The following PHACTR3 variants were observed in gnomAD, a reference collection of about 807,000 sequenced individuals.
PHACTR3 encodes phosphatase and actin regulator 3.
Under a neutral mutation model 66.8 loss-of-function variants are expected in PHACTR3, and 16 were observed. The ratio of observed to expected loss-of-function variants is 0.24; its 90% CI spans 0.16 to 0.36. The LOEUF (loss-of-function observed/expected upper bound fraction) is 0.36, where lower values mean the gene tolerates loss of function less well. Ranked by LOEUF, PHACTR3 falls within the 10% of genes least tolerant of loss-of-function variation. PHACTR3 has a pLI of 1.00. For missense variants in PHACTR3, 647 were observed against 719.9 expected (o/e 0.90, Z 1.16); for synonymous variants, 323 against 292.1 (o/e 1.11, Z -1.08).
At chr20:59,751,940 T>G (rs1180773529) in intron 3 of PHACTR3, among the ~76,000 whole-genome samples, 1 of 152,178 alleles carries the variant, frequency 6.6e-6, no homozygotes, top group Non-Finnish European at 1.5e-5. Flanking sequence ...CGTTTCTCTG[T>G]GCTAGACACT....
At chr20:59,812,638 A>G (rs971255462) in intron 8 of PHACTR3, among the ~76,000 whole-genome samples, 1 of 152,200 alleles carries the variant, frequency 6.6e-6, no homozygotes, top group African/African-American at 2.4e-5. Context: ...GCCTGTCTCA[A>G]TGGGGCCTTC....
At chr20:59,621,794 G>T (rs921921358) in intron 1 of PHACTR3, among the ~76,000 whole-genome samples, 2 of 152,210 alleles carry the variant, frequency 1.3e-5, no homozygotes, top group Non-Finnish European at 2.9e-5. Context: ...GTTTGGGGGT[G>T]CAGAGGACAA....
At chr20:59,592,457 C>T (rs2033212099) in intron 1 of PHACTR3, among the ~76,000 whole-genome samples, 1 of 152,224 alleles carries the variant, frequency 6.6e-6, no homozygotes, top group African/African-American at 2.4e-5. Flanking sequence ...GCAGGAAGAT[C>T]ACCCACAGTC....
chr20:59,577,523 CG>C lies in PHACTR3; in HGVS notation c.21del (p.Arg8AlafsTer52). 3 of 1,147,000 alleles carry C rather than the reference CG, an allele frequency of 2.6e-6. No homozygotes were observed. The highest frequency in any genetic ancestry group is 3.2e-6 in the Non-Finnish European group (3 of 934,312). The allele number at this position is 1,147,000 out of a possible 1,614,324, so 71.1% of individuals were successfully genotyped here. On this transcript the variant is annotated frameshift_variant, in exon 1 of 13. Transcript: ENST00000359926. LOFTEE classifies it high-confidence loss of function. ...CCTCCGGCGGGATGCGTGGCCGTGG[CG>C]GGGGGCGCGCCCGCTGTCCTGCGCC...
chr20:59,798,090 G>T (rs2041305801), intron 7 of PHACTR3, among the ~76,000 whole-genome samples: 1 of 152,146 alleles, frequency 6.6e-6, no homozygotes, highest in Non-Finnish European at 1.5e-5. Context: ...TCCCAGTTCT[G>T]GAGGCTAGGA....
At chr20:59,644,183 A>G (rs2035201656) in intron 1 of PHACTR3, among the ~76,000 whole-genome samples, 1 of 152,236 alleles carries the variant, frequency 6.6e-6, no homozygotes, top group Admixed American at 6.5e-5. Flanking sequence ...GTGTGCGACA[A>G]GAGCTAGTGG....
At chr20:59,696,290 C>T (rs947536791) in intron 1 of PHACTR3, among the ~76,000 whole-genome samples, 2 of 152,164 alleles carry the variant, frequency 1.3e-5, no homozygotes, top group African/African-American at 4.8e-5. Context: ...AGCAATAGTA[C>T]AATGACGCTG....
intron 1 of PHACTR3, among the ~76,000 whole-genome samples, chr20:59,668,608 C>A (rs1221837925): frequency 6.6e-6 from 1 of 152,182 alleles, no homozygotes; most frequent in Admixed American, 6.5e-5. Context: ...TAGGCCAGGT[C>A]CTCTCAAAGC....
At chr20:59,585,142 C>G (rs1408911951) in intron 1 of PHACTR3, among the ~76,000 whole-genome samples, 2 of 152,160 alleles carry the variant, frequency 1.3e-5, no homozygotes, top group African/African-American at 4.8e-5. Context: ...CCGAGAGAAA[C>G]AGACTCAAGT....
chr20:59,714,173 A>T (rs1474747420), intron 1 of PHACTR3, among the ~76,000 whole-genome samples: 1 of 152,152 alleles, frequency 6.6e-6, no homozygotes, highest in Non-Finnish European at 1.5e-5. Flanking sequence ...TTGCCTTTAC[A>T]TTCACTTAAT....
At chr20:59,836,270 T>C in intron 8 of PHACTR3, 1 of 501,136 alleles carries the variant, frequency 2.0e-6, no homozygotes, top group Non-Finnish European at 3.5e-6. Flanking sequence ...CATGTGGAGC[T>C]GGAGCAAGGA....
At chr20:59,826,488 G>A (rs1282153984) in intron 8 of PHACTR3, among the ~76,000 whole-genome samples, 1 of 152,160 alleles carries the variant, frequency 6.6e-6, no homozygotes, top group African/African-American at 2.4e-5. Flanking sequence ...GCGCTCCCCT[G>A]CCCCAGCCTT....
At chr20:59,655,084 T>A (rs6070895) in intron 1 of PHACTR3, among the ~76,000 whole-genome samples, 1 of 152,016 alleles carries the variant, frequency 6.6e-6, no homozygotes, top group Admixed American at 6.6e-5. Flanking sequence ...TTTAATTGTG[T>A]AAATTATAAA....
chr20:59,764,498 G>A (rs1601299548), intron 4 of PHACTR3, among the ~76,000 whole-genome samples: 1 of 152,084 alleles, frequency 6.6e-6, no homozygotes, highest in East Asian at 1.9e-4. Context: ...GGCAGGTTCG[G>A]GTATTTTATA....
chr20:59,691,310 A>G (rs144457462), intron 1 of PHACTR3, among the ~76,000 whole-genome samples: 1 of 152,338 alleles, frequency 6.6e-6, no homozygotes, highest in African/African-American at 2.4e-5. Flanking sequence ...TAAAACTTTG[A>G]TCAGTCTAGA....
intron 4 of PHACTR3, among the ~76,000 whole-genome samples, chr20:59,761,991 C>A (rs143076757): frequency 6.6e-6 from 1 of 152,326 alleles, no homozygotes; most frequent in East Asian, 1.9e-4. Flanking sequence ...GTTGCAATTT[C>A]AGTTTTGACA....
At chr20:59,681,940 G>C (rs1245005259) in intron 1 of PHACTR3, among the ~76,000 whole-genome samples, 1 of 152,096 alleles carries the variant, frequency 6.6e-6, no homozygotes, top group Non-Finnish European at 1.5e-5. Flanking sequence ...AACCCAGGGG[G>C]TGGAGGTTGC....
Position 59,626,918 on chromosome 20 carries a change from G to A in PHACTR3, c.118+21786G>A, listed in dbSNP as rs1478921975. 3 of 152,286 alleles carry A rather than the reference G, an allele frequency of 2.0e-5. No homozygotes were observed. In the East Asian group the frequency reaches 5.8e-4, roughly 29 times the overall value. 9.4% of individuals were successfully genotyped at this position (152,286 alleles called of 1,614,324 possible). A position where few individuals can be genotyped will look rare whatever the true frequency, so the allele number is the denominator to read the frequency against. ...GGTGATGAGCGCTGTATTGGAGCAG[G>A]TGGCTACACTTTCAGGAATGCTGCA... On this transcript the variant is annotated intron_variant, in intron 1 of 12. Transcript: ENST00000371015.
chr20:59,805,416 T>A (rs190776529), intron 7 of PHACTR3, among the ~76,000 whole-genome samples: 134 of 152,236 alleles, frequency 8.8e-4, no homozygotes, highest in Non-Finnish European at 1.5e-3. Flanking sequence ...AGGAGACAGA[T>A]GGTAAACAAA....
Sources: allele counts gnomAD v4.1 joint callset (sites outside exome capture counted in the v4.1 genomes callset), GRCh38; gene constraint gnomAD v4.1.1; transcripts MANE v1.5; gene names NCBI Gene and HGNC (gene_info 2026-07-23, HGNC 2026-07-21).